The following SYNDIG1L variants were observed in gnomAD, a reference collection of about 807,000 sequenced individuals.
The protein encoded by SYNDIG1L is synapse differentiation inducing 1 like, also known as synapse differentiation-inducing gene protein 1-like.
Under a neutral mutation model 20.1 loss-of-function variants are expected in SYNDIG1L, and 13 were observed. That is an observed-to-expected ratio of 0.65 (90% CI 0.42 to 1.03). SYNDIG1L has a LOEUF of 1.03. Ranked by LOEUF, SYNDIG1L falls within the 50% of genes least tolerant of loss-of-function variation. The pLI is 0.00. For missense variants in SYNDIG1L, 294 were observed against 305.1 expected (o/e 0.96, Z 0.27); for synonymous variants, 128 against 129.3 (o/e 0.99, Z 0.07).
upstream of SYNDIG1L, among the ~76,000 whole-genome samples, chr14:74,426,418 G>A (rs576152391): frequency 4.5e-4 from 69 of 152,166 alleles, no homozygotes; most frequent in African/African-American, 1.5e-3. Flanking sequence ...CCGCGTACCC[G>A]CTTCCTGGAG....
At chr14:74,424,026 A>G (rs910998538) in intron 1 of SYNDIG1L, among the ~76,000 whole-genome samples, 2 of 152,222 alleles carry the variant, frequency 1.3e-5, no homozygotes, top group African/African-American at 4.8e-5. Flanking sequence ...CATCAGAAAT[A>G]TAAATGGCTT....
chr14:74,420,706 T>C (rs2086214458), intron 1 of SYNDIG1L, among the ~76,000 whole-genome samples: 1 of 152,142 alleles, frequency 6.6e-6, no homozygotes, highest in Admixed American at 6.5e-5. Context: ...TCTATTAAAA[T>C]GACAGGATGT....
chr14:74,468,855 G>GTAAC, the SYNDIG1L span, among the ~76,000 whole-genome samples: 1 of 152,098 alleles, frequency 6.6e-6, no homozygotes, highest in Non-Finnish European at 1.5e-5. Context: ...GCTAAATCAA[G>GTAAC]TAACTAGCCT....
the SYNDIG1L span, among the ~76,000 whole-genome samples, chr14:74,440,920 C>T: frequency 6.6e-6 from 1 of 152,118 alleles, no homozygotes; most frequent in Non-Finnish European, 1.5e-5. Flanking sequence ...CCAGTCTGTC[C>T]CTCATGGACC....
chr14:74,465,557 CA>C, the SYNDIG1L span, among the ~76,000 whole-genome samples: 1 of 152,166 alleles, frequency 6.6e-6, no homozygotes, highest in Non-Finnish European at 1.5e-5. Context: ...CAGGGAGCAG[CA>C]GAGAGACAGA....
chr14:74,455,261 C>T, the SYNDIG1L span, among the ~76,000 whole-genome samples: 13 of 152,204 alleles, frequency 8.5e-5, no homozygotes, highest in African/African-American at 2.9e-4. Context: ...CCAGGGGAGG[C>T]CAGCCTGGCT....
chr14:74,429,008 C>T (rs764312809), upstream of SYNDIG1L, among the ~76,000 whole-genome samples: 3 of 152,168 alleles, frequency 2.0e-5, no homozygotes, highest in Non-Finnish European at 2.9e-5. Context: ...AGCACCATAG[C>T]CCCTCAGTTT....
the SYNDIG1L span, among the ~76,000 whole-genome samples, chr14:74,463,395 A>G: frequency 9.9e-5 from 15 of 152,096 alleles, no homozygotes; most frequent in South Asian, 2.9e-3. Flanking sequence ...TTCTTTGCCT[A>G]TGGTGGATGA....
intron 1 of SYNDIG1L, among the ~76,000 whole-genome samples, chr14:74,413,001 C>T (rs2086144376): frequency 6.6e-6 from 1 of 152,192 alleles, no homozygotes; most frequent in African/African-American, 2.4e-5. Flanking sequence ...CTGACTCACC[C>T]CTGCCCTACG....
chr14:74,430,578 G>C (rs540563780), upstream of SYNDIG1L, among the ~76,000 whole-genome samples: 1 of 151,908 alleles, frequency 6.6e-6, no homozygotes, highest in Non-Finnish European at 1.5e-5. Context: ...TGGGATTACA[G>C]GTGTGTGCTA....
chr14:74,448,596 C>T, the SYNDIG1L span, among the ~76,000 whole-genome samples: 6 of 152,066 alleles, frequency 3.9e-5, no homozygotes, highest in African/African-American at 1.2e-4. Flanking sequence ...TTTAAGTACA[C>T]AGAGACCATT....
the SYNDIG1L span, among the ~76,000 whole-genome samples, chr14:74,460,796 G>A: frequency 2.0e-5 from 3 of 152,080 alleles, no homozygotes; most frequent in Non-Finnish European, 2.9e-5. Flanking sequence ...CACAGGTGCC[G>A]GCCAACAATG....
chr14:74,409,588 G>A lies in SYNDIG1L; in HGVS notation c.157C>T (p.Gln53Ter), dbSNP rs2086113665. The A allele has an allele frequency of 2.0e-6, 3 of 1,509,116 alleles. No homozygotes were observed. Among genetic ancestry groups the A allele is most frequent in the Non-Finnish European group, 2.7e-6 (3 of 1,130,338 alleles). 93.5% of individuals were successfully genotyped at this position (1,509,116 alleles called of 1,614,324 possible). A position where few individuals can be genotyped will look rare whatever the true frequency, so the allele number is the denominator to read the frequency against. Residue 53 changes from glutamine (Q) to a stop codon, truncating the protein, a stop_gained, in exon 2 of 4, where the codon CAG becomes TAG. Transcript: ENST00000331628. LOFTEE classifies it high-confidence loss of function. ...TGCAGGGACCCTGGGTCCAGGAGCT[G>A]GTGGGCTCCGGCAGGCCCAGCGCCA... ...LGGAGPAGAHQLLDPGSLQLA... is the reference protein window; with the variant it reads ...LGGAGPAGAH
chr14:74,467,538 C>T, the SYNDIG1L span, among the ~76,000 whole-genome samples: 1 of 152,196 alleles, frequency 6.6e-6, no homozygotes, highest in Non-Finnish European at 1.5e-5. Context: ...AATGAAATTG[C>T]CTTTTGCAGG....
chr14:74,457,187 G>C, the SYNDIG1L span, among the ~76,000 whole-genome samples: 2 of 151,948 alleles, frequency 1.3e-5, no homozygotes, highest in Non-Finnish European at 2.9e-5. Flanking sequence ...GTGCTGGGTC[G>C]ATGCCCTCTC....
the SYNDIG1L span, chr14:74,472,300 T>C: frequency 1.3e-5 from 2 of 152,378 alleles, no homozygotes; most frequent in South Asian, 4.1e-4. Flanking sequence ...TTTACCTTCT[T>C]TCTGCACATT....
chr14:74,435,891 T>C, the SYNDIG1L span, among the ~76,000 whole-genome samples: 1 of 152,182 alleles, frequency 6.6e-6, no homozygotes. Flanking sequence ...GCACAGCAAG[T>C]GTTAGAGGCA....
At chr14:74,414,628 A>G (rs2086160185) in intron 1 of SYNDIG1L, among the ~76,000 whole-genome samples, 1 of 152,158 alleles carries the variant, frequency 6.6e-6, no homozygotes, top group East Asian at 1.9e-4. Flanking sequence ...TGTATGAGAG[A>G]TTTAGGAGGA....
At chr14:74,414,565 A>G (rs956477742) in intron 1 of SYNDIG1L, among the ~76,000 whole-genome samples, 13 of 152,160 alleles carry the variant, frequency 8.5e-5, no homozygotes, top group Non-Finnish European at 1.6e-4. Context: ...GCTGAGTCCA[A>G]TTGCATTGGA....
Sources: allele counts gnomAD v4.1 joint callset (sites outside exome capture counted in the v4.1 genomes callset), GRCh38; gene constraint gnomAD v4.1.1; transcripts MANE v1.5; gene names NCBI Gene and HGNC (gene_info 2026-07-23, HGNC 2026-07-21).